The following PUM2 variants were observed in gnomAD, a reference collection of about 807,000 sequenced individuals.
The protein encoded by PUM2 is pumilio RNA binding family member 2, also known as pumilio homolog 2.
In PUM2, 57 loss-of-function variants were observed where a neutral mutation model predicts 124.5. That is an observed-to-expected ratio of 0.46 (90% CI 0.37 to 0.57). The LOEUF (loss-of-function observed/expected upper bound fraction) is 0.57. Among genes scored for constraint, PUM2 ranks in the 20% least tolerant of loss-of-function variants. The probability of loss-of-function intolerance (pLI) is 0.00; values close to 1 mark genes in which losing one functional copy is unlikely to be tolerated. For synonymous variants in PUM2, 460 were observed against 446.1 expected, an observed-to-expected ratio of 1.03 and a Z score of -0.39; for missense variants, 1,065 against 1,290.6, an observed-to-expected ratio of 0.83 and a Z score of 2.68.
At chr2:20,261,577 T>C (rs139929444) in intron 14 of PUM2, among the ~76,000 whole-genome samples, 14 of 149,324 alleles carry the variant, frequency 9.4e-5, no homozygotes, top group Non-Finnish European at 1.3e-4. Context: ...TTTCAGAAGG[T>C]ATTCCAGAAA....
At chr2:20,259,731 G>A (rs1224402021) in intron 15 of PUM2, among the ~76,000 whole-genome samples, 1 of 152,156 alleles carries the variant, frequency 6.6e-6, no homozygotes, top group Admixed American at 6.5e-5. Context: ...CGTGAATAAT[G>A]GTGCAATATA....
chr2:20,279,856 T>C (rs1180912214), intron 12 of PUM2, among the ~76,000 whole-genome samples: 2 of 152,158 alleles, frequency 1.3e-5, no homozygotes, highest in Non-Finnish European at 2.9e-5. Flanking sequence ...AAAGCCCATA[T>C]ATTCAAGTAC....
chr2:20,260,844 A>G (rs766013769), intron 14 of PUM2, among the ~76,000 whole-genome samples: 7 of 152,174 alleles, frequency 4.6e-5, no homozygotes, highest in Non-Finnish European at 1.0e-4. Context: ...TTCATCCAAC[A>G]TGAATGAATT....
intron 1 of PUM2, among the ~76,000 whole-genome samples, chr2:20,345,077 C>G (rs1687985137): frequency 6.7e-6 from 1 of 149,820 alleles, no homozygotes; most frequent in Non-Finnish European, 1.5e-5. Context: ...CATGTGTCCA[C>G]AGCACTTTTT....
intron 13 of PUM2, among the ~76,000 whole-genome samples, chr2:20,264,356 AAAAAAAAAAAAATATAT>A (rs1307507345): frequency 3.2e-4 from 27 of 83,540 alleles, no homozygotes; most frequent in Non-Finnish European, 5.5e-4. Context: ...AAAAAAAAAA[AAAAAAAAAAAAATATAT>A]ATATATATAT....
In PUM2 at chr2:20,294,531, C is replaced by A. The variant is rs748587075; in HGVS notation, c.1010-13G>T. ...ACCACTGCTGGACCTAAACCCCACA[C>A]CCGACCCCCGAATAAAAAGTTACTA... On this transcript the variant is annotated splice_polypyrimidine_tract_variant and intron_variant, in intron 8 of 20. Transcript: ENST00000361078. The A allele has an allele frequency of 1.9e-6, 3 of 1,580,734 alleles. No individual in the cohort carries two copies. Among genetic ancestry groups the A allele is most frequent in the Non-Finnish European group, 1.7e-6 (2 of 1,163,804 alleles).
intron 5 of PUM2, 120 bp from the exon 6 acceptor site, chr2:20,308,704 G>A: frequency 3.3e-6 from 3 of 899,570 alleles, no homozygotes; most frequent in Non-Finnish European, 3.3e-6. Context: ...AGGCATTCTG[G>A]GTCACTATGC....
intron 15 of PUM2, 47 bp from the exon 16 acceptor site, chr2:20,258,418 T>C: frequency 1.9e-6 from 3 of 1,578,644 alleles, no homozygotes; most frequent in Non-Finnish European, 2.6e-6. Flanking sequence ...TTAATATTGC[T>C]TTGTTGAACT....
rs1665242419 is a variant in PUM2 at position 20,258,086 on chromosome 2, TTAG to T, written c.2484+154_2484+156del. The stretch of plus-strand genomic sequence containing the variant: ...AAATTATCTACTTTGTGACTTCTAA[TTAG>T]TAGTGTGCTATTTAGGACACAGTAA... On this transcript the variant is annotated intron_variant, in intron 16 of 20. Coordinates refer to ENST00000361078, the MANE Select transcript of PUM2 (RefSeq NM_015317.5). 6 of 541,674 alleles carry T rather than the reference TTAG, an allele frequency of 1.1e-5. No homozygotes were observed. In the East Asian group the frequency reaches 2.1e-4, roughly 19 times the overall value. 33.6% of individuals were successfully genotyped at this position (541,674 alleles called of 1,614,324 possible). A position where few individuals can be genotyped will look rare whatever the true frequency, so the allele number is the denominator to read the frequency against.
At chr2:20,318,114 T>A (rs1681440566) in intron 3 of PUM2, among the ~76,000 whole-genome samples, 1 of 152,222 alleles carries the variant, frequency 6.6e-6, no homozygotes, top group Non-Finnish European at 1.5e-5. Flanking sequence ...ATTGACACAA[T>A]GCTTTCCACA....
intron 7 of PUM2, among the ~76,000 whole-genome samples, chr2:20,301,905 T>C (rs1349975209): frequency 6.6e-6 from 1 of 152,242 alleles, no homozygotes; most frequent in Non-Finnish European, 1.5e-5. Context: ...GGCTACATAA[T>C]ATGTAGTCTT....
intron 2 of PUM2, among the ~76,000 whole-genome samples, chr2:20,320,975 CAAAT>C (rs752430134): frequency 2.6e-5 from 4 of 152,224 alleles, no homozygotes; most frequent in South Asian, 2.1e-4. Flanking sequence ...AAAATAATAA[CAAAT>C]AAGTAATCTA....
chr2:20,311,511 G>A lies in PUM2; in HGVS notation c.501C>T (p.Ala167=), dbSNP rs553791190. The change falls in exon 5 of 21, where the codon GCC becomes GCT. Residue 167 remains alanine, a synonymous_variant. Coordinates refer to ENST00000361078, the MANE Select transcript of PUM2 (RefSeq NM_015317.5). ...NGRGLPNGMD[A]DCKDFNRTPG... ...AATCTTACTTAAAATCTTTGCAATC[G>A]GCATCCATTCCATTTGGCAAACCTC... The A allele has an allele frequency of 3.1e-6, 5 of 1,606,074 alleles. No homozygotes were observed. The highest frequency in any genetic ancestry group is 2.2e-5 in the East Asian group (1 of 44,742).
chr2:20,301,763 G>A (rs1447662122), intron 7 of PUM2, among the ~76,000 whole-genome samples: 2 of 152,106 alleles, frequency 1.3e-5, no homozygotes, highest in African/African-American at 2.4e-5. Context: ...GATTTTTGTA[G>A]AGACAGGGTT....
intron 2 of PUM2, among the ~76,000 whole-genome samples, chr2:20,323,894 G>C (rs1478449039): frequency 1.0e-5 from 1 of 97,566 alleles, no homozygotes; most frequent in Non-Finnish European, 1.8e-5. Flanking sequence ...TATTATTCTA[G>C]AGATACGGAC....
intron 2 of PUM2, among the ~76,000 whole-genome samples, chr2:20,320,588 A>C (rs1327959557): frequency 2.0e-5 from 3 of 151,222 alleles, no homozygotes; most frequent in African/African-American, 4.9e-5. Context: ...TAAAAAAAAA[A>C]CTCCATTTTT....
intron 3 of PUM2, among the ~76,000 whole-genome samples, chr2:20,316,377 A>G (rs1222532177): frequency 6.6e-6 from 1 of 152,174 alleles, no homozygotes; most frequent in Non-Finnish European, 1.5e-5. Flanking sequence ...GATTTAGAGA[A>G]TAAGAAAATA....
chr2:20,300,510 G>C (rs773748184), intron 7 of PUM2, among the ~76,000 whole-genome samples: 1 of 151,128 alleles, frequency 6.6e-6, no homozygotes, highest in Non-Finnish European at 1.5e-5. Flanking sequence ...GTTGCTGGGG[G>C]CCTTAGAATT....
At position 20,330,844 on chromosome 2, in the gene PUM2, C is replaced by T. The variant is rs183741644; in HGVS notation, c.-18-3466G>A. ...GGGAGGAAGTCTTATTGGCCCAAGC[C>T]CTCAATCTGTGTGTGAGAGCTGATG... On this transcript the variant is annotated intron_variant, in intron 1 of 20. Transcript: ENST00000361078. 3.6e-4 allele frequency among the ~76,000 whole-genome samples: 55 copies of T among 152,250 alleles called. 1 individual carries two copies. The highest frequency in any genetic ancestry group is 1.0e-3 in the South Asian group (5 of 4,816).
Sources: gnomAD v4.1 joint callset for allele counts (sites outside exome capture counted in the v4.1 genomes callset) on GRCh38, gnomAD v4.1.1 for gene constraint, MANE v1.5 for transcripts, NCBI Gene and HGNC (gene_info 2026-07-23, HGNC 2026-07-21) for gene names.